The following SUPT3H variants were observed in gnomAD, a reference collection of about 807,000 sequenced individuals.
The protein encoded by SUPT3H is SPT3 homolog, SAGA and STAGA complex component.
In SUPT3H, 44 loss-of-function variants were observed where a neutral mutation model predicts 44.3. The ratio of observed to expected loss-of-function variants is 0.99; its 90% CI spans 0.78 to 1.28. The LOEUF is 1.28. SUPT3H is among the 50% of genes most tolerant of loss of function. The pLI is 0.00. For synonymous variants in SUPT3H, 124 were observed against 125.6 expected (o/e 0.99, Z 0.09); for missense variants, 380 against 387.1 (o/e 0.98, Z 0.15).
intron 9 of SUPT3H, among the ~76,000 whole-genome samples, chr6:44,937,493 C>CAAAAAAAAAAACA (rs1554171988): frequency 3.5e-5 from 5 of 141,482 alleles, no homozygotes; most frequent in African/African-American, 1.3e-4. Context: ...GACACTGTCT[C>CAAAAAAAAAAACA]AAAAAAAAAA....
intron 2 of SUPT3H, among the ~76,000 whole-genome samples, chr6:45,271,029 A>G (rs1315285923): frequency 1.3e-5 from 2 of 152,216 alleles, no homozygotes; most frequent in Non-Finnish European, 2.9e-5. Flanking sequence ...AATTTAGGGT[A>G]TCTGACAGAA....
intron 2 of SUPT3H, among the ~76,000 whole-genome samples, chr6:45,302,528 T>C (rs1426799362): frequency 8.0e-5 from 3 of 37,710 alleles, no homozygotes; most frequent in Non-Finnish European, 1.7e-4. Flanking sequence ...TATATATATA[T>C]ATATATATAT....
At chr6:44,872,586 T>A (rs1776578688) in intron 10 of SUPT3H, among the ~76,000 whole-genome samples, 1 of 151,420 alleles carries the variant, frequency 6.6e-6, no homozygotes, top group Non-Finnish European at 1.5e-5. Context: ...AGAAACTGCA[T>A]CAACTAACGA....
intron 2 of SUPT3H, among the ~76,000 whole-genome samples, chr6:45,335,850 G>A (rs1788438740): frequency 1.3e-5 from 2 of 151,276 alleles, no homozygotes; most frequent in South Asian, 4.1e-4. Context: ...CATGAAATCT[G>A]TAAAGCATTT....
intron 3 of SUPT3H, among the ~76,000 whole-genome samples, chr6:45,088,455 T>C (rs1796743762): frequency 6.6e-6 from 1 of 152,016 alleles, no homozygotes; most frequent in Non-Finnish European, 1.5e-5. Context: ...TGTAGACCAG[T>C]GTTAGGTCAT....
At chr6:45,304,901 T>C (rs1317543203) in intron 2 of SUPT3H, among the ~76,000 whole-genome samples, 1 of 151,936 alleles carries the variant, frequency 6.6e-6, no homozygotes, top group Non-Finnish European at 1.5e-5. Flanking sequence ...ATAGAAGAAA[T>C]CAACAGCCTG....
chr6:45,041,033 TCGTTTTCATTC>T (rs1232852937), intron 3 of SUPT3H, among the ~76,000 whole-genome samples: 8 of 152,188 alleles, frequency 5.3e-5, no homozygotes, highest in Non-Finnish European at 1.2e-4. Context: ...AGTTTTCAAT[TCGTTTTCATTC>T]ATTTACTTAA....
chr6:44,909,136 T>TGTGC (rs1346010945), intron 10 of SUPT3H, among the ~76,000 whole-genome samples: 4 of 87,714 alleles, frequency 4.6e-5, no homozygotes, highest in Admixed American at 1.4e-4. Flanking sequence ...TGTGTGTGTG[T>TGTGC]GTGTGCGTGT....
intron 1 of SUPT3H, among the ~76,000 whole-genome samples, chr6:45,366,143 TA>T (rs1410628286): frequency 1.3e-5 from 2 of 152,228 alleles, no homozygotes; most frequent in African/African-American, 4.8e-5. Flanking sequence ...TATGCTTGCA[TA>T]AACTTTGCAA....
intron 10 of SUPT3H, among the ~76,000 whole-genome samples, chr6:44,853,926 G>C (rs1328296179): frequency 6.6e-6 from 1 of 151,844 alleles, no homozygotes; most frequent in African/African-American, 2.4e-5. Flanking sequence ...AGATAGTTGA[G>C]GGGGAGGTAA....
chr6:44,942,994 C>A (rs1772709494), intron 9 of SUPT3H, among the ~76,000 whole-genome samples: 1 of 152,108 alleles, frequency 6.6e-6, no homozygotes, highest in South Asian at 2.1e-4. Flanking sequence ...GTCCACTTTA[C>A]AATTCAAAAT....
At chr6:44,890,319 T>C (rs1314015807) in intron 10 of SUPT3H, among the ~76,000 whole-genome samples, 5 of 151,290 alleles carry the variant, frequency 3.3e-5, no homozygotes, top group African/African-American at 4.9e-5. Flanking sequence ...CATATGTTTA[T>C]TGCGGCATTA....
intron 2 of SUPT3H, among the ~76,000 whole-genome samples, chr6:45,304,066 T>A (rs1052812388): frequency 6.6e-6 from 1 of 152,030 alleles, no homozygotes; most frequent in Non-Finnish European, 1.5e-5. Flanking sequence ...GAAAGCTAAA[T>A]ATGTTGGCAG....
At chr6:45,222,542 C>T (rs1478368159) in intron 2 of SUPT3H, among the ~76,000 whole-genome samples, 1 of 152,042 alleles carries the variant, frequency 6.6e-6, no homozygotes, top group Admixed American at 6.6e-5. Context: ...GTGACAACAA[C>T]AAAGACTGAT....
intron 10 of SUPT3H, among the ~76,000 whole-genome samples, chr6:44,872,427 A>G (rs1019016279): frequency 2.1e-5 from 3 of 139,772 alleles, no homozygotes; most frequent in African/African-American, 7.9e-5. Context: ...GAAATAAAAT[A>G]CTTTATAGAC....
chr6:45,366,380 C>T (rs1795137651), intron 1 of SUPT3H, among the ~76,000 whole-genome samples: 1 of 152,190 alleles, frequency 6.6e-6, no homozygotes, highest in African/African-American at 2.4e-5. Context: ...TAAATGGCAA[C>T]GATAATCTCA....
chr6:45,194,725 A>G (rs1815725463), intron 2 of SUPT3H, among the ~76,000 whole-genome samples: 1 of 152,154 alleles, frequency 6.6e-6, no homozygotes, highest in East Asian at 1.9e-4. Context: ...TAATGCAACA[A>G]AAAGAATGTC....
At chr6:44,854,199 G>C (rs1403364714) in intron 10 of SUPT3H, among the ~76,000 whole-genome samples, 1 of 151,932 alleles carries the variant, frequency 6.6e-6, no homozygotes, top group Non-Finnish European at 1.5e-5. Flanking sequence ...CCAAACAGGG[G>C]AATAAAAATG....
chr6:45,303,505 C>T (rs910457910), intron 2 of SUPT3H, among the ~76,000 whole-genome samples: 6 of 152,004 alleles, frequency 3.9e-5, no homozygotes, highest in Admixed American at 1.3e-4. Context: ...GGCCAACAAA[C>T]ATATGAAAAA....
Sources: allele counts gnomAD v4.1 joint callset (sites outside exome capture counted in the v4.1 genomes callset), GRCh38; gene constraint gnomAD v4.1.1; transcripts MANE v1.5; gene names NCBI Gene and HGNC (gene_info 2026-07-23, HGNC 2026-07-21).